RBM14: variants seen among roughly 807,000 people sequenced by gnomAD.
The protein encoded by RBM14 is RNA binding motif protein 14.
RBM14 carries 5 observed loss-of-function variants against 52.8 expected under a neutral mutation model. The observed-to-expected ratio is 0.09, with a 90% CI of 0.05 to 0.20. The LOEUF is 0.20. Among genes scored for constraint, RBM14 ranks in the 10% least tolerant of loss-of-function variants. The pLI is 1.00. For missense variants in RBM14, 780 were observed against 926.6 expected (o/e 0.84, Z 2.05); for synonymous variants, 411 against 401.8 (o/e 1.02, Z -0.28).
chr11:66,618,697 T>A, intron 1 of RBM14: 1 of 624,756 alleles, frequency 1.6e-6, no homozygotes, highest in South Asian at 2.0e-5. Flanking sequence ...TTACCAAGTT[T>A]CTTTTGTGGT....
At position 66,624,584 on chromosome 11, in the gene RBM14, C is replaced by T; in HGVS notation, c.708C>T (p.Thr236=). The T allele has an allele frequency of 6.2e-7, 1 of 1,612,260 alleles. No homozygotes were observed. Among genetic ancestry groups the T allele is most frequent in the South Asian group, 1.1e-5 (1 of 91,086 alleles). Residue 236 remains threonine, a synonymous_variant, in exon 2 of 3, where the codon ACC becomes ACT. Coordinates refer to ENST00000310137, the MANE Select transcript of RBM14 (RefSeq NM_006328.4). The surrounding 1 kb of genome is among the most constrained non-coding windows in gnomAD (Gnocchi z 4.7). ...CTCCTCTGACGGCCCAGCCAGCTAC[C>T]TACCGGGCCCAGCCGTCCGTGTCAC... ...YVAPLTAQPA[T]YRAQPSVSLG...
At chr11:66,617,186 G>A in intron 1 of RBM14, 129 bp downstream of exon 1, 2 of 1,447,948 alleles carry the variant, frequency 1.4e-6, no homozygotes, top group East Asian at 4.9e-5. Context: ...GCAGGTCGGA[G>A]GTGTTGGGGG....
chr11:66,629,863 G>C lies in RBM14; in HGVS notation c.*3195G>C, dbSNP rs1034521994. ...AATTTGAGGCAAGAGGATTGCTAGA[G>C]GCCAGGATTTTGAGACCAGCTTCGG... On this transcript the variant is annotated 3_prime_UTR_variant, in exon 3 of 3. Coordinates refer to ENST00000310137, the MANE Select transcript of RBM14 (RefSeq NM_006328.4). 6.6e-6 allele frequency among the ~76,000 whole-genome samples: 1 copy of C among 151,928 alleles called. No individual in the cohort carries two copies. The highest frequency in any genetic ancestry group is 1.5e-5 in the Non-Finnish European group (1 of 68,006).
rs367886323 is a variant in RBM14 at position 66,619,812 on chromosome 11, T to C, written c.337+2755T>C. Among the ~76,000 whole-genome samples the C allele has an allele frequency of 4.0e-4, 61 of 152,322 alleles. 1 individual carries two copies. Among genetic ancestry groups the C allele is most frequent in the African/African-American group, 1.3e-3 (55 of 41,572 alleles). On this transcript the variant is annotated intron_variant, in intron 1 of 2. Coordinates refer to ENST00000310137, the MANE Select transcript of RBM14 (RefSeq NM_006328.4). ...CGATCTCCTGACCTTGTGATCCGCCTGCCTCAGCCTCCCAAAGTGCTGGGA... is the reference window on the plus strand; with the variant it reads ...CGATCTCCTGACCTTGTGATCCGCCCGCCTCAGCCTCCCAAAGTGCTGGGA...
chr11:66,621,646 G>A (rs1395076535), intron 1 of RBM14, among the ~76,000 whole-genome samples: 1 of 152,136 alleles, frequency 6.6e-6, no homozygotes, highest in Non-Finnish European at 1.5e-5. Flanking sequence ...CCAAAGTGCT[G>A]GGATTATGGT....
In RBM14 at chr11:66,625,656, AAG is replaced by A; in HGVS notation, c.1781_1782del (p.Lys594SerfsTer19). On this transcript the variant is annotated frameshift_variant, in exon 2 of 3. Coordinates refer to ENST00000310137, the MANE Select transcript of RBM14 (RefSeq NM_006328.4). LOFTEE classifies it high-confidence loss of function. The surrounding 1 kb of genome is among the most constrained non-coding windows in gnomAD (Gnocchi z 4.2). ...GGCCAGCTACGACGATCCCTACAAA[AAG>A]GCTGTCGCCATGTCGAAAAGGTACT... ...PRASYDDPYK[K>X]AVAMSKRYGS... 6.2e-7 allele frequency: 1 copy of A among 1,611,758 alleles called. No individual in the cohort carries two copies. The highest frequency in any genetic ancestry group is 1.3e-5 in the African/African-American group (1 of 75,040).
intron 1 of RBM14, among the ~76,000 whole-genome samples, chr11:66,621,711 A>G (rs760698292): frequency 2.6e-5 from 4 of 152,204 alleles, no homozygotes; most frequent in African/African-American, 7.2e-5. Flanking sequence ...GCCAGCTTCT[A>G]AGTTTGCATG....
intron 1 of RBM14, among the ~76,000 whole-genome samples, chr11:66,621,118 A>G (rs1859088436): frequency 6.6e-6 from 1 of 151,150 alleles, no homozygotes; most frequent in Non-Finnish European, 1.5e-5. Context: ...CCATCCTTCC[A>G]CCTCAGTCTC....
At chr11:66,619,182 C>T (rs930445797) in intron 1 of RBM14, 1 of 152,210 alleles carries the variant, frequency 6.6e-6, no homozygotes, top group African/African-American at 2.4e-5. Flanking sequence ...AAAGAGCGTA[C>T]TCATTTCTTA....
Position 66,629,924 on chromosome 11 carries a change from G to GA in RBM14, c.*3266dup, listed in dbSNP as rs753805210. 3.2e-3 allele frequency among the ~76,000 whole-genome samples: 281 copies of GA among 88,250 alleles called. 5 individuals carry two copies. The highest frequency in any genetic ancestry group is 0.022 in the Admixed American group (180 of 8,190). The allele number at this position is 88,250 out of a possible 152,430, so 57.9% of individuals were successfully genotyped here. A position where few individuals can be genotyped will look rare whatever the true frequency, so the allele number is the denominator to read the frequency against. ...AGACCTTGTCTCTACCAAAAGAAAA[G>GA]AAAAAAAAAAGCCAGCTGTGGTGGC... On this transcript the variant is annotated 3_prime_UTR_variant, in exon 3 of 3. Transcript: ENST00000310137.
Position 66,625,029 on chromosome 11 carries a change from G to A in RBM14, c.1153G>A (p.Gly385Arg). The A allele has an allele frequency of 6.2e-7, 1 of 1,613,520 alleles. No homozygotes were observed. Among genetic ancestry groups the A allele is most frequent in the Non-Finnish European group, 8.5e-7 (1 of 1,179,862 alleles). ...GSYGAQAASY[G>R]AQSAASSLAY... Reference sequence around the variant, plus strand: ...CTACGGGGCTCAGGCAGCCTCCTATGGGGCCCAGTCTGCAGCCTCCTCACT... The same window carrying A: ...CTACGGGGCTCAGGCAGCCTCCTATAGGGCCCAGTCTGCAGCCTCCTCACT... The change falls in exon 2 of 3, where the codon GGG becomes AGG. Residue 385 changes from glycine to arginine, a missense_variant. Transcript: ENST00000310137. This position sits in a 1 kb window ranked among gnomAD's most constrained non-coding sequence, Gnocchi z 4.2.
chr11:66,617,091 G>T (rs1158304114), intron 1 of RBM14, 34 bp downstream of exon 1: 1 of 1,549,230 alleles, frequency 6.5e-7, no homozygotes, highest in South Asian at 1.2e-5. Flanking sequence ...GCGGGGGCGC[G>T]CTCGGGGCAC....
In RBM14 at chr11:66,626,674, T is replaced by G. The variant is rs1333742170; in HGVS notation, c.*6T>G. The G allele has an allele frequency of 1.9e-6, 3 of 1,598,084 alleles. No homozygotes were observed. In the Admixed American group the frequency reaches 5.1e-5, roughly 27 times the overall value. On this transcript the variant is annotated 3_prime_UTR_variant, in exon 3 of 3. Coordinates refer to ENST00000310137, the MANE Select transcript of RBM14 (RefSeq NM_006328.4). ...GCTACCAGCGCCGCATGTAGGGCCA[T>G]CCTGGGATGGGGCACCACAGGGAGG...
At chr11:66,620,530 G>C (rs1242473889) in intron 1 of RBM14, among the ~76,000 whole-genome samples, 1 of 152,102 alleles carries the variant, frequency 6.6e-6, no homozygotes, top group Non-Finnish European at 1.5e-5. Context: ...TTGAACTCCT[G>C]ACCTCAGGTG....
In RBM14 at chr11:66,624,366, A is replaced by G; in HGVS notation, c.490A>G (p.Lys164Glu). 6.2e-7 allele frequency: 1 copy of G among 1,614,176 alleles called. No individual in the cohort carries two copies. The highest frequency in any genetic ancestry group is 2.2e-5 in the East Asian group (1 of 44,872). ...GPGLAVQSGD[K>E]TKKPGAGDTA... Reference sequence around the variant, plus strand: ...TGGCCTGGCTGTCCAGTCTGGGGACAAGACCAAGAAACCAGGGGCTGGGGA... The same window carrying G: ...TGGCCTGGCTGTCCAGTCTGGGGACGAGACCAAGAAACCAGGGGCTGGGGA... Residue 164 changes from lysine to glutamate, a missense_variant, in exon 2 of 3, where the codon AAG becomes GAG. Physicochemically the swap from Lys to Glu is moderately conservative, Grantham distance 56 (BLOSUM62 1). Transcript: ENST00000310137. The surrounding 1 kb of genome is among the most constrained non-coding windows in gnomAD (Gnocchi z 4.7).
At chr11:66,619,955 A>G (rs1267269335) in intron 1 of RBM14, among the ~76,000 whole-genome samples, 7 of 152,266 alleles carry the variant, frequency 4.6e-5, no homozygotes, top group Admixed American at 4.6e-4. Context: ...TGATGCCACC[A>G]GACCATTTGG....
At chr11:66,621,555 T>TAAA (rs1859113557) in intron 1 of RBM14, among the ~76,000 whole-genome samples, 1 of 152,118 alleles carries the variant, frequency 6.6e-6, no homozygotes, top group Non-Finnish European at 1.5e-5. Context: ...TTTAATATTT[T>TAAA]TAGTAAAGAC....
rs1281360539 is a variant in RBM14 at position 66,626,867 on chromosome 11, A to G, written c.*199A>G. The G allele has an allele frequency of 2.5e-5, 14 of 563,602 alleles. No homozygotes were observed. The highest frequency in any genetic ancestry group is 1.8e-4 in the East Asian group (6 of 33,148). 34.9% of individuals were successfully genotyped at this position (563,602 alleles called of 1,614,324 possible). A position where few individuals can be genotyped will look rare whatever the true frequency, so the allele number is the denominator to read the frequency against. On this transcript the variant is annotated 3_prime_UTR_variant, in exon 3 of 3. Transcript: ENST00000310137. ...ACTTTGTTCCTTCGCCTCAGCAGCA[A>G]ATCTTGCTACTGGCTCTAGATCTGC...
At chr11:66,617,246 C>T (rs1416573045) in intron 1 of RBM14, 189 bp downstream of exon 1, 7 of 1,399,208 alleles carry the variant, frequency 5.0e-6, no homozygotes, top group Non-Finnish European at 5.6e-6. Context: ...AACCGTCCAC[C>T]AAGTAGGAGG....
Sources: allele counts gnomAD v4.1 joint callset (sites outside exome capture counted in the v4.1 genomes callset), GRCh38; gene constraint gnomAD v4.1.1; non-coding constraint Gnocchi (gnomAD v3.1); transcripts MANE v1.5; gene names NCBI Gene and HGNC (gene_info 2026-07-23, HGNC 2026-07-21).